Variants in SV2C observed in about 807,000 individuals in gnomAD.
SV2C encodes the protein solute carrier family 22 member B3.
SV2C carries 49 observed loss-of-function variants against 79.7 expected under a neutral mutation model. The observed-to-expected ratio is 0.61, with a 90% CI of 0.49 to 0.78. The LOEUF is 0.78. Among genes scored for constraint, SV2C ranks in the 30% least tolerant of loss-of-function variants. The pLI, the probability that SV2C is intolerant of heterozygous loss-of-function variation, is 0.00. For missense variants in SV2C, 833 were observed against 912.9 expected (o/e 0.91, Z 1.13); for synonymous variants, 334 against 333.2 (o/e 1.00, Z -0.03).
At chr5:76,033,467 G>A in the SV2C span, among the ~76,000 whole-genome samples, 40 of 152,260 alleles carry the variant, frequency 2.6e-4, no homozygotes, top group African/African-American at 9.6e-4. Context: ...TCTACATATG[G>A]CTAGCCAGTT....
the SV2C span, among the ~76,000 whole-genome samples, chr5:75,883,814 G>A: frequency 6.7e-6 from 1 of 149,500 alleles, no homozygotes; most frequent in South Asian, 2.1e-4. Flanking sequence ...TTGTGCACAT[G>A]TACCCTAAAA....
intron 1 of SV2C, among the ~76,000 whole-genome samples, chr5:76,110,962 A>G (rs919338600): frequency 6.6e-6 from 1 of 152,158 alleles, no homozygotes; most frequent in African/African-American, 2.4e-5. Flanking sequence ...GTCGCAATGC[A>G]TCTCTCCATC....
At chr5:75,933,612 T>C in the SV2C span, among the ~76,000 whole-genome samples, 1 of 152,194 alleles carries the variant, frequency 6.6e-6, no homozygotes, top group African/African-American at 2.4e-5. Context: ...GGATAACCAG[T>C]AGCACCGTAG....
At chr5:76,311,685 T>G (rs1396851200) in intron 12 of SV2C, among the ~76,000 whole-genome samples, 1 of 152,182 alleles carries the variant, frequency 6.6e-6, no homozygotes, top group Non-Finnish European at 1.5e-5. Flanking sequence ...ATTCTTCTAA[T>G]AGACATGAAA....
rs375007331 is a variant in SV2C at position 76,245,936 on chromosome 5, A to ATGTGTATGTGTGTGTG, written c.913+36054_913+36055insATGTGTGTGTGTGTGT. ...AGTGTGTGTGTGTGTGTGTGTGTGT[A>ATGTGTATGTGTGTGTG]TGTGTGTGTGTGTGTGTGTGTGTGT... On this transcript the variant is annotated intron_variant, in intron 4 of 12. Transcript: ENST00000502798. 7.5e-3 allele frequency among the ~76,000 whole-genome samples: 968 copies of ATGTGTATGTGTGTGTG among 129,144 alleles called. 10 individuals carry two copies. Among genetic ancestry groups the ATGTGTATGTGTGTGTG allele is most frequent in the African/African-American group, 0.024 (909 of 37,570 alleles). The allele number at this position is 129,144 out of a possible 152,430, so 84.7% of individuals were successfully genotyped here. A position where few individuals can be genotyped will look rare whatever the true frequency, so the allele number is the denominator to read the frequency against.
At chr5:76,171,581 G>A (rs1405708019) in intron 2 of SV2C, among the ~76,000 whole-genome samples, 1 of 143,228 alleles carries the variant, frequency 7.0e-6, no homozygotes, top group Non-Finnish European at 1.6e-5. Flanking sequence ...CGTCTCCGCC[G>A]GGCAGCCACC....
At chr5:75,982,864 C>G in the SV2C span, among the ~76,000 whole-genome samples, 1 of 152,170 alleles carries the variant, frequency 6.6e-6, no homozygotes, top group Non-Finnish European at 1.5e-5. Flanking sequence ...AATGCAGGAA[C>G]AGAAAACCAA....
chr5:76,069,809 A>ACCC, the SV2C span, among the ~76,000 whole-genome samples: 5 of 145,356 alleles, frequency 3.4e-5, no homozygotes, highest in Non-Finnish European at 7.6e-5. Flanking sequence ...ACTGTCTCCA[A>ACCC]CCCCCGTTTC....
At chr5:75,911,943 G>A in the SV2C span, 1 of 406,400 alleles carries the variant, frequency 2.5e-6, no homozygotes, top group African/African-American at 2.1e-5. Context: ...GTATAGGTCA[G>A]AGAGATATAA....
chr5:75,914,318 A>T, the SV2C span, among the ~76,000 whole-genome samples: 1 of 152,180 alleles, frequency 6.6e-6, no homozygotes, highest in Non-Finnish European at 1.5e-5. Context: ...TATTAACATA[A>T]TTACTACTTT....
the SV2C span, among the ~76,000 whole-genome samples, chr5:75,855,837 C>T: frequency 6.6e-6 from 1 of 152,096 alleles, no homozygotes; most frequent in African/African-American, 2.4e-5. Context: ...GTCAAATGGA[C>T]AATTAAATTA....
At chr5:75,975,451 G>C in the SV2C span, among the ~76,000 whole-genome samples, 1 of 152,110 alleles carries the variant, frequency 6.6e-6, no homozygotes, top group Admixed American at 6.6e-5. Context: ...TCCAATTCAT[G>C]TAGGAATTTA....
intron 2 of SV2C, among the ~76,000 whole-genome samples, chr5:76,132,752 T>C (rs1007720155): frequency 1.3e-5 from 2 of 152,168 alleles, no homozygotes; most frequent in Admixed American, 6.5e-5. Flanking sequence ...ACTCTGACAA[T>C]TGTGATTTCA....
intron 1 of SV2C, among the ~76,000 whole-genome samples, chr5:76,106,295 C>G (rs992776172): frequency 6.6e-6 from 1 of 152,128 alleles, no homozygotes; most frequent in Non-Finnish European, 1.5e-5. Flanking sequence ...TCTACTATCC[C>G]GTGCCCCCTC....
intron 12 of SV2C, among the ~76,000 whole-genome samples, chr5:76,314,335 T>G (rs1460947780): frequency 6.6e-6 from 1 of 152,184 alleles, no homozygotes; most frequent in East Asian, 1.9e-4. Flanking sequence ...CCCTTTCCAC[T>G]TCTTCCATCA....
At chr5:76,113,608 T>C (rs1235336860) in intron 1 of SV2C, among the ~76,000 whole-genome samples, 1 of 152,202 alleles carries the variant, frequency 6.6e-6, no homozygotes, top group Non-Finnish European at 1.5e-5. Context: ...AGTAGTCCAC[T>C]TGGGAGGATT....
chr5:76,238,304 A>ATGTGTGTGTGTG (rs112691264), intron 4 of SV2C, among the ~76,000 whole-genome samples: 82 of 149,640 alleles, frequency 5.5e-4, no homozygotes, highest in African/African-American at 2.0e-3. Flanking sequence ...GTGTGTGTGT[A>ATGTGTGTGTGTG]TGTGTGTGTG....
chr5:76,120,611 T>C (rs1194982376), intron 1 of SV2C, among the ~76,000 whole-genome samples: 2 of 145,622 alleles, frequency 1.4e-5, no homozygotes, highest in Admixed American at 7.0e-5. Flanking sequence ...AGTGAGAACA[T>C]GCGGTGTTTG....
chr5:76,320,233 T>C (rs920818624), intron 12 of SV2C, among the ~76,000 whole-genome samples: 11 of 151,578 alleles, frequency 7.3e-5, no homozygotes, highest in Non-Finnish European at 1.5e-4. Context: ...TGTGACATCC[T>C]GGAAAAGGCA....
Sources: allele counts gnomAD v4.1 joint callset (sites outside exome capture counted in the v4.1 genomes callset), GRCh38; gene constraint gnomAD v4.1.1; transcripts MANE v1.5; gene names NCBI Gene and HGNC (gene_info 2026-07-23, HGNC 2026-07-21).